The following MTA3 variants were observed in gnomAD, a reference collection of about 807,000 sequenced individuals.
The protein encoded by MTA3 is metastasis-associated protein MTA3.
Under a neutral mutation model 83.5 loss-of-function variants are expected in MTA3, and 34 were observed. That is an observed-to-expected ratio of 0.41 (90% CI 0.31 to 0.54). The LOEUF (loss-of-function observed/expected upper bound fraction) is 0.54. Ranked by LOEUF, MTA3 falls within the 20% of genes least tolerant of loss-of-function variation. MTA3 has a pLI of 0.33. For synonymous variants in MTA3, 303 were observed against 252.7 expected, an observed-to-expected ratio of 1.20 and a Z score of -1.89; for missense variants, 761 against 726.4, an observed-to-expected ratio of 1.05 and a Z score of -0.55.
At chr2:42,535,393 AACAG>A (rs981750348) in intron 2 of MTA3, among the ~76,000 whole-genome samples, 3 of 152,150 alleles carry the variant, frequency 2.0e-5, no homozygotes, top group East Asian at 1.9e-4. Context: ...TCAAAAAAAA[AACAG>A]ACAAACTTTT....
intron 2 of MTA3, among the ~76,000 whole-genome samples, chr2:42,562,836 G>T (rs1379717356): frequency 6.6e-6 from 1 of 152,136 alleles, no homozygotes; most frequent in Non-Finnish European, 1.5e-5. Context: ...CCAAAGAGAA[G>T]ACATCTACCT....
intron 1 of MTA3, chr2:42,569,476 C>G (rs1282352993): frequency 2.6e-5 from 4 of 152,248 alleles, no homozygotes; most frequent in African/African-American, 9.6e-5. Flanking sequence ...GCCCTCCTCC[C>G]TCTTTCCTGG....
At chr2:42,535,378 C>A (rs1442808932) in intron 2 of MTA3, among the ~76,000 whole-genome samples, 1 of 151,502 alleles carries the variant, frequency 6.6e-6, no homozygotes, top group Non-Finnish European at 1.5e-5. Flanking sequence ...CAGAGCAAGA[C>A]TTTGTCAAAA....
At chr2:42,667,473 ATC>A (rs774385045) in intron 8 of MTA3, among the ~76,000 whole-genome samples, 70 of 151,946 alleles carry the variant, frequency 4.6e-4, no homozygotes, top group Non-Finnish European at 8.7e-4. Context: ...GGCTCTCAGT[ATC>A]TCATAAGTTT....
In MTA3 at chr2:42,672,778, G is replaced by C. The variant is rs4597579; in HGVS notation, c.703-9623G>C. 1.5e-3 allele frequency among the ~76,000 whole-genome samples: 230 copies of C among 151,232 alleles called. 2 individuals are homozygous for C. Among genetic ancestry groups the C allele is most frequent in the African/African-American group, 5.2e-3 (214 of 41,248 alleles). ...CCTTAGCAAGTTTGTTGGATGAGGG[G>C]TTTTGTTATATCTATGCATTAAAGC... On this transcript the variant is annotated intron_variant, in intron 8 of 16. Transcript: ENST00000405094.
chr2:42,592,314 T>A (rs902028094), intron 3 of MTA3, among the ~76,000 whole-genome samples: 2 of 152,060 alleles, frequency 1.3e-5, no homozygotes, highest in Non-Finnish European at 2.9e-5. Context: ...CTGGGCATAG[T>A]AGATCATACC....
chr2:42,704,047 C>G, intron 11 of MTA3, 147 bp from the exon 12 acceptor site: 1 of 898,668 alleles, frequency 1.1e-6, no homozygotes, highest in Non-Finnish European at 1.7e-6. Flanking sequence ...CATTTAACAC[C>G]TTGGTTTTAC....
intron 16 of MTA3, among the ~76,000 whole-genome samples, chr2:42,746,386 G>A (rs1409535876): frequency 6.6e-6 from 1 of 152,108 alleles, no homozygotes; most frequent in Non-Finnish European, 1.5e-5. Flanking sequence ...AACAACAATC[G>A]ACACAGAAGA....
At chr2:42,554,616 A>G (rs1677290737) in intron 2 of MTA3, among the ~76,000 whole-genome samples, 2 of 152,172 alleles carry the variant, frequency 1.3e-5, no homozygotes, top group South Asian at 4.1e-4. Context: ...GAAAAAAAAC[A>G]GCAGGGAAAG....
At chr2:42,716,804 T>G (rs1169737112) in intron 14 of MTA3, among the ~76,000 whole-genome samples, 1 of 152,198 alleles carries the variant, frequency 6.6e-6, no homozygotes, top group Non-Finnish European at 1.5e-5. Flanking sequence ...TACATGCATG[T>G]GTCTTTATGA....
At chr2:42,543,066 C>G (rs1391001443) in intron 2 of MTA3, among the ~76,000 whole-genome samples, 1 of 151,908 alleles carries the variant, frequency 6.6e-6, no homozygotes, top group Non-Finnish European at 1.5e-5. Context: ...ATTCTTAGGA[C>G]AGGGAGATGA....
chr2:42,500,749 T>C (rs1186965687), intron 2 of MTA3, among the ~76,000 whole-genome samples: 12 of 150,844 alleles, frequency 8.0e-5, no homozygotes, highest in Non-Finnish European at 1.0e-4. Flanking sequence ...AAGTACAGCA[T>C]AGTACATTAC....
At chr2:42,522,007 G>T (rs576477308) in intron 2 of MTA3, among the ~76,000 whole-genome samples, 8 of 152,148 alleles carry the variant, frequency 5.3e-5, no homozygotes, top group African/African-American at 1.9e-4. Context: ...ACCTGCCTCG[G>T]CCTCCCAAAG....
At chr2:42,496,564 T>C (rs1674145239) in intron 2 of MTA3, among the ~76,000 whole-genome samples, 2 of 150,010 alleles carry the variant, frequency 1.3e-5, no homozygotes, top group Non-Finnish European at 3.0e-5. Flanking sequence ...GGTAGAATTT[T>C]AGAGTTTGAA....
rs767598363 is a variant in MTA3 at position 42,514,682 on chromosome 2, C to CTTTTTTTTTTTTT, written c.-141+19441_-141+19453dup. On this transcript the variant is annotated intron_variant, in intron 2 of 17. Coordinates refer to the MTA3 transcript ENST00000405592. ...GATTACAGGCATGAGCGCCCAGCCC[C>CTTTTTTTTTTTTT]TTTTTTTTTTTTTTTTTTTTTTTTT... is the stretch of plus-strand genomic sequence containing the variant. Among the ~76,000 whole-genome samples, 146 of 53,488 alleles carry CTTTTTTTTTTTTT rather than the reference C, an allele frequency of 2.7e-3. 36 individuals are homozygous for CTTTTTTTTTTTTT. Among genetic ancestry groups the CTTTTTTTTTTTTT allele is most frequent in the African/African-American group, 0.012 (137 of 11,834 alleles). 35.1% of individuals were successfully genotyped at this position (53,488 alleles called of 152,430 possible).
chr2:42,601,755 C>T (rs967963212), intron 3 of MTA3, among the ~76,000 whole-genome samples: 3 of 152,264 alleles, frequency 2.0e-5, no homozygotes, highest in South Asian at 2.1e-4. Flanking sequence ...TCTCAGCTCA[C>T]TGCAACCTCC....
At chr2:42,621,179 A>T (rs904717310) in intron 4 of MTA3, among the ~76,000 whole-genome samples, 2 of 143,002 alleles carry the variant, frequency 1.4e-5, no homozygotes, top group Non-Finnish European at 3.0e-5. Context: ...TTTCTCGCAG[A>T]GGGGGATTTG....
chr2:42,693,719 C>G (rs1215719745), intron 9 of MTA3, among the ~76,000 whole-genome samples: 2 of 152,206 alleles, frequency 1.3e-5, no homozygotes, highest in Non-Finnish European at 2.9e-5. Flanking sequence ...CTGGGGACCC[C>G]AAAAGCCTGC....
intron 3 of MTA3, among the ~76,000 whole-genome samples, chr2:42,609,112 A>G (rs1293414487): frequency 6.7e-6 from 1 of 149,144 alleles, no homozygotes; most frequent in Non-Finnish European, 1.5e-5. Flanking sequence ...CTGACTGCAA[A>G]CTCCACCCCC....
Sources: allele counts gnomAD v4.1 joint callset (sites outside exome capture counted in the v4.1 genomes callset), GRCh38; gene constraint gnomAD v4.1.1; transcripts MANE v1.5; gene names NCBI Gene and HGNC (gene_info 2026-07-23, HGNC 2026-07-21).